MYL3: variants seen among roughly 807,000 people sequenced by gnomAD.
MYL3 encodes CMLC1.
A neutral mutation model predicts 21.3 loss-of-function variants in MYL3; 11 were observed. The ratio of observed to expected loss-of-function variants is 0.52; its 90% confidence interval spans 0.32 to 0.85. MYL3 has a LOEUF of 0.85. MYL3 is among the 40% of genes least tolerant of loss of function. The pLI is 0.03. For synonymous variants in MYL3, 88 were observed against 91.6 expected, an observed-to-expected ratio of 0.96 and a Z score of 0.22; for missense variants, 206 against 253.3, an observed-to-expected ratio of 0.81 and a Z score of 1.27.
chr3:46,868,578 G>A (rs1702072582), intron 1 of MYL3, among the ~76,000 whole-genome samples: 1 of 152,222 alleles, frequency 6.6e-6, no homozygotes, highest in Admixed American at 6.5e-5. Flanking sequence ...CTGACGCTTA[G>A]GGCTGTGGTG....
At position 46,860,420 on chromosome 3, in the gene MYL3, G is replaced by A. The variant is rs935548058; in HGVS notation, c.307+256C>T. On this transcript the variant is annotated intron_variant, in intron 3 of 6. Coordinates refer to ENST00000292327, the MANE Select transcript of MYL3 (RefSeq NM_000258.3). The surrounding 1 kb of genome is among the most constrained non-coding windows in gnomAD (Gnocchi z 4.6). The stretch of plus-strand genomic sequence containing the variant: ...CCACTGCCCACTGCTGTCACTGCCC[G>A]ACCTTCTCACTTCTCCATAGGTGTC... Among the ~76,000 whole-genome samples, 1 of 152,162 alleles carries A rather than the reference G, an allele frequency of 6.6e-6. No homozygotes were observed. The highest frequency in any genetic ancestry group is 1.5e-5 in the Non-Finnish European group (1 of 68,014).
upstream of MYL3, among the ~76,000 whole-genome samples, chr3:46,868,212 G>C (rs1379187999): frequency 1.3e-5 from 2 of 152,178 alleles, no homozygotes; most frequent in African/African-American, 4.8e-5. Context: ...GAAGGCAGTA[G>C]ACTCCCTATG....
upstream of MYL3, chr3:46,866,601 C>G (rs1023749277): frequency 1.3e-5 from 2 of 152,270 alleles, no homozygotes; most frequent in African/African-American, 2.4e-5. Context: ...TTCCCAGGAC[C>G]TGGTACACCA....
chr3:46,875,997 G>A (rs1477031967), intron 1 of MYL3, among the ~76,000 whole-genome samples: 3 of 152,254 alleles, frequency 2.0e-5, no homozygotes, highest in African/African-American at 7.2e-5. Flanking sequence ...AGAGCCCTGG[G>A]CTGGGGCCCA....
Position 46,860,610 on chromosome 3 carries a change from A to G in MYL3, c.307+66T>C. The G allele has an allele frequency of 1.3e-6, 2 of 1,595,324 alleles. No individual in the cohort carries two copies. The highest frequency in any genetic ancestry group is 2.2e-5 in the South Asian group (2 of 90,650). On this transcript the variant is annotated intron_variant, in intron 3 of 6. Coordinates refer to ENST00000292327, the MANE Select transcript of MYL3 (RefSeq NM_000258.3). The surrounding 1 kb of genome is among the most constrained non-coding windows in gnomAD (Gnocchi z 4.6). ...ATTCTCGTGCTATCCCGCAGGATGG[A>G]TGGCAGCCCACCCAGCCAGTCTCCC...
Position 46,860,607 on chromosome 3 carries a change from TG to T in MYL3, c.307+68del. The T allele has an allele frequency of 6.3e-7, 1 of 1,596,470 alleles. No homozygotes were observed. The highest frequency in any genetic ancestry group is 8.5e-7 in the Non-Finnish European group (1 of 1,174,550). On this transcript the variant is annotated intron_variant, in intron 3 of 6. Coordinates refer to ENST00000292327, the MANE Select transcript of MYL3 (RefSeq NM_000258.3). This position sits in a 1 kb window ranked among gnomAD's most constrained non-coding sequence, Gnocchi z 4.6. Reference sequence around the variant, plus strand: ...AAGATTCTCGTGCTATCCCGCAGGATGGATGGCAGCCCACCCAGCCAGTCTC... The same window carrying T: ...AAGATTCTCGTGCTATCCCGCAGGATGATGGCAGCCCACCCAGCCAGTCTC...
At chr3:46,863,576 G>A, upstream of MYL3, 1 of 618,768 alleles carries the variant, frequency 1.6e-6, no homozygotes, top group East Asian at 2.9e-5. Context: ...TGGGGCCTGG[G>A]GAGGGCATTG....
In MYL3 at chr3:46,859,529, C is replaced by T. The variant is rs104893750; in HGVS notation, c.427G>A (p.Glu143Lys). The change falls in exon 4 of 7, where the codon GAG becomes AAG. Residue 143 changes from glutamate (E) to lysine (K), a missense_variant. Coordinates refer to ENST00000292327, the MANE Select transcript of MYL3 (RefSeq NM_000258.3). The surrounding 1 kb of genome is among the most constrained non-coding windows in gnomAD (Gnocchi z 4.1). ...GCACCCATGACAGTGCCATTGCCCT[C>T]CTTGTCGAAGACCCGCAGCCCCTCC... ...FVEGLRVFDKEGNGTVMGAEL... is the reference protein window; with the variant it reads ...FVEGLRVFDKKGNGTVMGAEL... 8.7e-6 allele frequency: 14 copies of T among 1,614,108 alleles called. No individual in the cohort carries two copies. The Admixed American group carries it at 2.3e-4, about 27-fold the overall frequency.
intron 1 of MYL3, among the ~76,000 whole-genome samples, chr3:46,877,536 G>C (rs776984411): frequency 6.6e-6 from 1 of 152,204 alleles, no homozygotes; most frequent in African/African-American, 2.4e-5. Flanking sequence ...GCAGACCCAT[G>C]GGTGCTGAGG....
At position 46,859,167 on chromosome 3, in the gene MYL3, A is replaced by G. The variant is rs185629468; in HGVS notation, c.481+308T>C. On this transcript the variant is annotated intron_variant, in intron 4 of 6. Coordinates refer to ENST00000292327, the MANE Select transcript of MYL3 (RefSeq NM_000258.3). This position sits in a 1 kb window ranked among gnomAD's most constrained non-coding sequence, Gnocchi z 4.1. ...GACCACTTAGGGCTGTGGCCCTGGA[A>G]TTTGACCTTGGAGTAATGACCACCA... 1.1e-4 allele frequency among the ~76,000 whole-genome samples: 17 copies of G among 152,204 alleles called. No homozygotes were observed. Among genetic ancestry groups the G allele is most frequent in the Admixed American group, 3.3e-4 (5 of 15,300 alleles).
intron 1 of MYL3, among the ~76,000 whole-genome samples, chr3:46,881,636 A>T (rs2030573175): frequency 6.6e-6 from 1 of 151,424 alleles, no homozygotes; most frequent in South Asian, 2.1e-4. Context: ...GTGGCTGCAG[A>T]CCTGGGCGGG....
At position 46,861,937 on chromosome 3, in the gene MYL3, C is replaced by T. The variant is rs1013276955; in HGVS notation, c.130-950G>A. Among the ~76,000 whole-genome samples, 13 of 152,218 alleles carry T rather than the reference C, an allele frequency of 8.5e-5. No individual in the cohort carries two copies. The highest frequency in any genetic ancestry group is 1.9e-4 in the Non-Finnish European group (13 of 68,028). On this transcript the variant is annotated intron_variant, in intron 1 of 6. Coordinates refer to ENST00000292327, the MANE Select transcript of MYL3 (RefSeq NM_000258.3). The surrounding 1 kb of genome is among the most constrained non-coding windows in gnomAD (Gnocchi z 4.2). ...CAGGGCCACCCTACCATGACTGTCC[C>T]TCCTGGCTTCTGGCTTGACCCAGTG...
chr3:46,870,185 C>T (rs151005751), intron 1 of MYL3, among the ~76,000 whole-genome samples: 8 of 152,222 alleles, frequency 5.3e-5, no homozygotes, highest in East Asian at 1.9e-4. Flanking sequence ...CCCCTCACCC[C>T]GGCTCCCAGC....
At chr3:46,862,969 G>A (rs1415858664) in intron 1 of MYL3, among the ~76,000 whole-genome samples, 3 of 152,250 alleles carry the variant, frequency 2.0e-5, no homozygotes, top group Non-Finnish European at 4.4e-5. Flanking sequence ...AAGGGCAAGG[G>A]AGAGTCCATT....
intron 1 of MYL3, among the ~76,000 whole-genome samples, chr3:46,862,097 C>T (rs988798883): frequency 3.9e-5 from 6 of 152,140 alleles, no homozygotes; most frequent in Non-Finnish European, 8.8e-5. Context: ...GGGAAGAGGG[C>T]GCATGAGGGG....
At chr3:46,869,347 C>A (rs1010606268) in intron 1 of MYL3, among the ~76,000 whole-genome samples, 2 of 152,216 alleles carry the variant, frequency 1.3e-5, no homozygotes, top group African/African-American at 4.8e-5. Flanking sequence ...CCTAGACGGG[C>A]TGAGGAAGAA....
At chr3:46,867,210 C>A (rs1255170173), upstream of MYL3, among the ~76,000 whole-genome samples, 3 of 152,076 alleles carry the variant, frequency 2.0e-5, no homozygotes, top group African/African-American at 7.2e-5. Flanking sequence ...GACCCCAGAC[C>A]CCAGACACAG....
upstream of MYL3, among the ~76,000 whole-genome samples, chr3:46,867,306 C>T (rs1032037575): frequency 4.6e-5 from 7 of 152,176 alleles, no homozygotes; most frequent in East Asian, 1.9e-4. Flanking sequence ...CAAACCCAAA[C>T]CCCAGACCCA....
intron 4 of MYL3, 91 bp from the exon 5 acceptor site, chr3:46,858,552 ACCTCT>A (rs1370796859): frequency 8.1e-7 from 1 of 1,235,036 alleles, no homozygotes; most frequent in African/African-American, 1.5e-5. Context: ...TGGTGGCTCA[ACCTCT>A]CCAGTATTCC....
Sources: gnomAD v4.1 joint callset for allele counts (sites outside exome capture counted in the v4.1 genomes callset) on GRCh38, gnomAD v4.1.1 for gene constraint, Gnocchi (gnomAD v3.1) non-coding constraint, MANE v1.5 for transcripts, NCBI Gene and HGNC (gene_info 2026-07-23, HGNC 2026-07-21) for gene names.